The following STPG2 variants were observed in gnomAD, a reference collection of about 807,000 sequenced individuals.
The protein encoded by STPG2 is sperm tail PG-rich repeat containing 2.
Under a neutral mutation model 54.2 loss-of-function variants are expected in STPG2, and 56 were observed. The ratio of observed to expected loss-of-function variants is 1.03; its 90% CI spans 0.83 to 1.29. The LOEUF (loss-of-function observed/expected upper bound fraction) is 1.29, where lower values mean the gene tolerates loss of function less well. Among genes scored for constraint, STPG2 ranks in the 50% most tolerant of loss-of-function variants. The probability of loss-of-function intolerance (pLI) is 0.00; values close to 1 mark genes in which losing one functional copy is unlikely to be tolerated. For synonymous variants in STPG2, 200 were observed against 181.8 expected, an observed-to-expected ratio of 1.10 and a Z score of -0.81; for missense variants, 596 against 544.9, an observed-to-expected ratio of 1.09 and a Z score of -0.93.
rs564531545 is a variant in STPG2, at chr4:97,694,654, A to AG, written c.1320+18044_1320+18045insC. On this transcript the variant is annotated intron_variant, in intron 10 of 10. Transcript: ENST00000295268. ...AAACCCCGTCTCTATTAAAAAAAAA[A>AG]TACAAAAAGTTAGCTGAGTGTGGTG... Among the ~76,000 whole-genome samples, 405 of 151,406 alleles carry AG rather than the reference A, an allele frequency of 2.7e-3. 2 individuals are homozygous for AG. Among genetic ancestry groups the AG allele is most frequent in the African/African-American group, 9.0e-3 (371 of 41,300 alleles).
At chr4:98,072,288 C>G (rs2110108607) in intron 5 of STPG2, among the ~76,000 whole-genome samples, 1 of 152,240 alleles carries the variant, frequency 6.6e-6, no homozygotes, top group Admixed American at 6.5e-5. Context: ...AGCCATTATT[C>G]TCAGCAAACT....
At chr4:97,775,411 A>G (rs1299834631) in intron 9 of STPG2, among the ~76,000 whole-genome samples, 2 of 152,322 alleles carry the variant, frequency 1.3e-5, no homozygotes, top group South Asian at 2.1e-4. Flanking sequence ...AAATTAAAGT[A>G]TAATTTTAAA....
At chr4:97,742,359 TATA>T (rs1560510776) in intron 9 of STPG2, among the ~76,000 whole-genome samples, 2 of 150,858 alleles carry the variant, frequency 1.3e-5, no homozygotes, top group African/African-American at 4.9e-5. Context: ...AAACTTAAAG[TATA>T]ATAATAATAA....
intron 5 of STPG2, among the ~76,000 whole-genome samples, chr4:98,032,981 G>A (rs1393795003): frequency 6.6e-6 from 1 of 152,116 alleles, no homozygotes; most frequent in Non-Finnish European, 1.5e-5. Context: ...GCTCACAAGA[G>A]AAAGCAGGAA....
At chr4:97,546,502 T>A (rs184973963) in intron 4 of STPG2, among the ~76,000 whole-genome samples, 39 of 152,222 alleles carry the variant, frequency 2.6e-4, no homozygotes, top group African/African-American at 8.9e-4. Flanking sequence ...GAAGATGCTA[T>A]AGAGTATATT....
intron 10 of STPG2, among the ~76,000 whole-genome samples, chr4:97,673,327 A>T (rs1370029852): frequency 6.6e-6 from 1 of 152,226 alleles, no homozygotes; most frequent in African/African-American, 2.4e-5. Context: ...GGTTCATGGT[A>T]ACAAGTTAAC....
intron 4 of STPG2, among the ~76,000 whole-genome samples, chr4:97,491,260 C>A (rs890924003): frequency 8.6e-5 from 13 of 151,520 alleles, no homozygotes; most frequent in African/African-American, 2.9e-4. Flanking sequence ...GAGAAAACAA[C>A]TTGCCCTCAG....
At chr4:97,862,119 C>G (rs1182222690) in intron 8 of STPG2, among the ~76,000 whole-genome samples, 1 of 151,958 alleles carries the variant, frequency 6.6e-6, no homozygotes, top group Non-Finnish European at 1.5e-5. Context: ...TTAAAAGACA[C>G]AGACTGGCAA....
chr4:97,919,801 C>A (rs1027826015), intron 8 of STPG2, among the ~76,000 whole-genome samples: 6 of 152,042 alleles, frequency 3.9e-5, no homozygotes, highest in Non-Finnish European at 5.9e-5. Context: ...GGGGGATACT[C>A]TTTTTTAAGA....
chr4:97,465,948 T>C (rs1310756173), intron 4 of STPG2, among the ~76,000 whole-genome samples: 1 of 152,080 alleles, frequency 6.6e-6, no homozygotes, highest in African/African-American at 2.4e-5. Flanking sequence ...CTTACAGTGG[T>C]TTGTAACTTT....
chr4:97,771,999 A>G (rs982571548), intron 9 of STPG2, among the ~76,000 whole-genome samples: 1 of 152,182 alleles, frequency 6.6e-6, no homozygotes, highest in African/African-American at 2.4e-5. Flanking sequence ...CACACTACCC[A>G]TACCACTGAC....
At chr4:97,521,876 G>A (rs928508627) in intron 4 of STPG2, among the ~76,000 whole-genome samples, 2 of 151,938 alleles carry the variant, frequency 1.3e-5, no homozygotes, top group Non-Finnish European at 2.9e-5. Context: ...TGGGAAGGCT[G>A]AGGCAGGTGA....
intron 9 of STPG2, among the ~76,000 whole-genome samples, chr4:97,825,820 C>A (rs1728242087): frequency 6.6e-6 from 1 of 152,068 alleles, no homozygotes; most frequent in Non-Finnish European, 1.5e-5. Flanking sequence ...AGTGTAATGC[C>A]TTTTACTTCA....
intron 5 of STPG2, among the ~76,000 whole-genome samples, chr4:98,043,654 G>T (rs1229172150): frequency 6.6e-6 from 1 of 151,598 alleles, no homozygotes; most frequent in African/African-American, 2.4e-5. Context: ...TATTACATAT[G>T]CATTAACATA....
rs559095058 is a variant in STPG2 at position 98,070,376 on chromosome 4, A to C, written c.612+35577T>G. On this transcript the variant is annotated intron_variant, in intron 5 of 10. Coordinates refer to ENST00000295268, the MANE Select transcript of STPG2 (RefSeq NM_174952.3). ...TTGAAGGAACATACCTCAAAATAAT[A>C]AGAGAAATATATGACAAACCCATAG... Among the ~76,000 whole-genome samples the C allele has an allele frequency of 7.2e-5, 11 of 152,136 alleles. No homozygotes were observed. In the East Asian group the frequency reaches 2.1e-3, roughly 29 times the overall value.
At chr4:98,121,996 A>C (rs987584412) in intron 3 of STPG2, among the ~76,000 whole-genome samples, 1 of 152,136 alleles carries the variant, frequency 6.6e-6, no homozygotes, top group Non-Finnish European at 1.5e-5. Flanking sequence ...CTGGGACTAC[A>C]AGCGTGAGCC....
At chr4:97,454,046 T>A (rs1288480571) in intron 4 of STPG2, among the ~76,000 whole-genome samples, 1 of 152,186 alleles carries the variant, frequency 6.6e-6, no homozygotes, top group Non-Finnish European at 1.5e-5. Flanking sequence ...CTCAAGATTG[T>A]TCTTAGAAAG....
At chr4:97,920,847 T>G (rs912850424) in intron 8 of STPG2, among the ~76,000 whole-genome samples, 1 of 152,224 alleles carries the variant, frequency 6.6e-6, no homozygotes, top group African/African-American at 2.4e-5. Flanking sequence ...ATCTTTCCTC[T>G]TATCCCTCCT....
chr4:97,746,102 T>C (rs990360407), intron 9 of STPG2, among the ~76,000 whole-genome samples: 12 of 151,222 alleles, frequency 7.9e-5, no homozygotes, highest in African/African-American at 2.9e-4. Flanking sequence ...CATTTGATAA[T>C]GATAGATGAA....
Sources: allele counts gnomAD v4.1 joint callset (sites outside exome capture counted in the v4.1 genomes callset), GRCh38; gene constraint gnomAD v4.1.1; transcripts MANE v1.5; gene names NCBI Gene and HGNC (gene_info 2026-07-23, HGNC 2026-07-21).